Variants in ARL13B observed in about 807,000 individuals in gnomAD.
ARL13B encodes ADP-ribosylation factor-like protein 13B.
A neutral mutation model predicts 56.1 loss-of-function variants in ARL13B; 36 were observed. The observed-to-expected ratio is 0.64, with a 90% confidence interval of 0.49 to 0.85. The LOEUF is 0.85. ARL13B is among the 40% of genes least tolerant of loss of function. ARL13B has a pLI of 0.00. For missense variants in ARL13B, 519 were observed against 507.1 expected, an observed-to-expected ratio of 1.02 and a Z score of -0.23; for synonymous variants, 178 against 171.1, an observed-to-expected ratio of 1.04 and a Z score of -0.32.
chr3:93,988,686 G>T, intron 1 of ARL13B: 2 of 468,198 alleles, frequency 4.3e-6, no homozygotes, highest in East Asian at 6.1e-5. Flanking sequence ...GAGTCTCCTC[G>T]GTTTTAGTTT....
At chr3:94,033,894 A>G (rs185971988) in intron 3 of ARL13B, among the ~76,000 whole-genome samples, 2 of 152,328 alleles carry the variant, frequency 1.3e-5, no homozygotes, top group East Asian at 3.9e-4. Flanking sequence ...TAAGGAAGAT[A>G]TTAGCCAAAT....
chr3:94,018,728 C>G (rs1315640878), intron 3 of ARL13B, among the ~76,000 whole-genome samples: 1 of 152,128 alleles, frequency 6.6e-6, no homozygotes, highest in Non-Finnish European at 1.5e-5. Flanking sequence ...TCTGGCAACT[C>G]TATTTTTCCA....
At chr3:94,003,507 T>C in intron 2 of ARL13B, 152 bp from the exon 3 acceptor site, 1 of 822,204 alleles carries the variant, frequency 1.2e-6, no homozygotes, top group Admixed American at 2.8e-5. Flanking sequence ...TTTGATATTC[T>C]GGCCTGTCCC....
At chr3:94,017,340 A>G (rs2076354762) in intron 3 of ARL13B, among the ~76,000 whole-genome samples, 2 of 152,226 alleles carry the variant, frequency 1.3e-5, no homozygotes, top group Non-Finnish European at 2.9e-5. Flanking sequence ...TTGATTCAAT[A>G]TAAAGAAGAC....
intron 2 of ARL13B, among the ~76,000 whole-genome samples, chr3:94,002,587 T>A (rs1005984246): frequency 1.1e-4 from 17 of 152,328 alleles, no homozygotes; most frequent in Non-Finnish European, 2.2e-4. Context: ...TGAACTTTTC[T>A]CTGTAGCCAT....
intron 1 of ARL13B, among the ~76,000 whole-genome samples, chr3:93,986,299 C>T (rs964942492): frequency 5.9e-5 from 9 of 152,146 alleles, no homozygotes; most frequent in Non-Finnish European, 8.8e-5. Context: ...TTGGCCTTCT[C>T]ACTATTTATT....
intron 3 of ARL13B, among the ~76,000 whole-genome samples, chr3:94,018,735 T>C (rs1004873769): frequency 2.6e-5 from 4 of 152,154 alleles, no homozygotes; most frequent in Admixed American, 6.5e-5. Context: ...ACTCTATTTT[T>C]CCAGTTGCTC....
chr3:94,043,391 T>A lies in ARL13B; in HGVS notation c.1024+151T>A, dbSNP rs1410476483. The A allele has an allele frequency of 7.8e-6, 6 of 765,852 alleles. No individual in the cohort carries two copies. In the Admixed American group the frequency reaches 8.1e-5, roughly 10 times the overall value. 47.4% of individuals were successfully genotyped at this position (765,852 alleles called of 1,614,324 possible). On this transcript the variant is annotated intron_variant, in intron 7 of 9. Coordinates refer to ENST00000394222, the MANE Select transcript of ARL13B (RefSeq NM_001174150.2). ...TATTTACCATGATTTTCTCAAGGTC[T>A]TTTATTATTCAGTTTGTTCCTAACC...
intron 3 of ARL13B, among the ~76,000 whole-genome samples, chr3:94,031,430 T>G (rs1406154676): frequency 6.6e-6 from 1 of 152,146 alleles, no homozygotes; most frequent in Non-Finnish European, 1.5e-5. Flanking sequence ...TCAAGGCTTC[T>G]TGGGGAAATG....
chr3:93,983,212 G>A (rs960066149), intron 1 of ARL13B, among the ~76,000 whole-genome samples: 2 of 152,124 alleles, frequency 1.3e-5, no homozygotes, highest in African/African-American at 4.8e-5. Flanking sequence ...TATTATTCCA[G>A]ACATTGGAAT....
chr3:94,033,880 T>A (rs1051158376), intron 3 of ARL13B, among the ~76,000 whole-genome samples: 4 of 152,072 alleles, frequency 2.6e-5, no homozygotes, highest in African/African-American at 9.7e-5. Flanking sequence ...GTTAAATAAG[T>A]TTATAAGGAA....
chr3:93,983,384 A>G (rs1438992548), intron 1 of ARL13B, among the ~76,000 whole-genome samples: 3 of 152,152 alleles, frequency 2.0e-5, no homozygotes, highest in African/African-American at 7.2e-5. Context: ...GGCCCCATTC[A>G]TGAATTTTGG....
rs1335394263 is a variant in ARL13B, at chr3:94,055,223, T to TTA, written c.*1961_*1962insAT. ...ATGCCTATTTTGTTATATGTTATAC[T>TTA]TTTATTCTTAATTCTGAATTTTGAC... On this transcript the variant is annotated 3_prime_UTR_variant, in exon 10 of 10. Transcript: ENST00000394222. 2 of 412,954 alleles carry TTA rather than the reference T, an allele frequency of 4.8e-6. No homozygotes were observed. Among genetic ancestry groups the TTA allele is most frequent in the African/African-American group, 4.2e-5 (2 of 47,926 alleles). 25.6% of individuals were successfully genotyped at this position (412,954 alleles called of 1,614,324 possible). A position where few individuals can be genotyped will look rare whatever the true frequency, so the allele number is the denominator to read the frequency against.
At position 93,980,252 on chromosome 3, in the gene ARL13B, G is replaced by T; in HGVS notation, c.-172G>T. The T allele has an allele frequency of 1.2e-6, 1 of 802,022 alleles. No individual in the cohort carries two copies. The highest frequency in any genetic ancestry group is 2.1e-6 in the Non-Finnish European group (1 of 475,058). The allele number at this position is 802,022 out of a possible 1,614,324, so 49.7% of individuals were successfully genotyped here. On this transcript the variant is annotated 5_prime_UTR_variant, in exon 1 of 10. Coordinates refer to ENST00000394222, the MANE Select transcript of ARL13B (RefSeq NM_001174150.2). ...AAGAGGGCAGTCGTCGCGGACCCAC[G>T]CGGTTAGCAAGGCTTAGTGCTCGGG...
At chr3:94,018,111 C>T (rs974895071) in intron 3 of ARL13B, among the ~76,000 whole-genome samples, 8 of 152,108 alleles carry the variant, frequency 5.3e-5, no homozygotes, top group African/African-American at 9.6e-5. Flanking sequence ...TTGTCCAGGC[C>T]GGTCTTGAAC....
intron 3 of ARL13B, among the ~76,000 whole-genome samples, chr3:94,030,258 A>C (rs531000556): frequency 6.6e-6 from 1 of 151,892 alleles, no homozygotes; most frequent in South Asian, 2.1e-4. Flanking sequence ...ACAGGGTCTC[A>C]CTCTGTCACC....
At chr3:94,016,812 A>T (rs2076343001) in intron 3 of ARL13B, among the ~76,000 whole-genome samples, 1 of 151,902 alleles carries the variant, frequency 6.6e-6, no homozygotes, top group Non-Finnish European at 1.5e-5. Flanking sequence ...ATGCCCGGCT[A>T]ATTTTTGTAT....
chr3:94,001,361 A>G (rs2076052626), intron 2 of ARL13B, among the ~76,000 whole-genome samples: 1 of 152,188 alleles, frequency 6.6e-6, no homozygotes, highest in Non-Finnish European at 1.5e-5. Flanking sequence ...GAATTGGTTT[A>G]CTGGGCATAT....
At chr3:94,012,173 C>T (rs1487511801) in intron 3 of ARL13B, among the ~76,000 whole-genome samples, 3 of 152,118 alleles carry the variant, frequency 2.0e-5, no homozygotes, top group African/African-American at 7.2e-5. Flanking sequence ...TTTACATCCA[C>T]ATACTTTTCA....
Sources: gnomAD v4.1 joint callset for allele counts (sites outside exome capture counted in the v4.1 genomes callset) on GRCh38, gnomAD v4.1.1 for gene constraint, MANE v1.5 for transcripts, NCBI Gene and HGNC (gene_info 2026-07-23, HGNC 2026-07-21) for gene names.